Variants in AK5 observed in about 807,000 individuals in gnomAD.
AK5 encodes the protein adenylate kinase isoenzyme 5.
AK5 carries 27 observed loss-of-function variants against 69.5 expected under a neutral mutation model. The ratio of observed to expected loss-of-function variants is 0.39; its 90% CI spans 0.29 to 0.54. The LOEUF (loss-of-function observed/expected upper bound fraction) is 0.54. AK5 is among the 20% of genes least tolerant of loss of function. AK5 has a pLI of 0.71. For synonymous variants in AK5, 260 were observed against 244.4 expected, an observed-to-expected ratio of 1.06 and a Z score of -0.60; for missense variants, 531 against 700.4, an observed-to-expected ratio of 0.76 and a Z score of 2.73.
At chr1:77,441,500 T>A (rs1652323650) in intron 8 of AK5, among the ~76,000 whole-genome samples, 1 of 152,148 alleles carries the variant, frequency 6.6e-6, no homozygotes, top group Non-Finnish European at 1.5e-5. Flanking sequence ...GGGAAAGATG[T>A]GGTGACTCTG....
In AK5 at chr1:77,417,619, C is replaced by A; in HGVS notation, c.983-20C>A. Reference sequence around the variant, plus strand: ...ACATAGACAACCTCCATCCACTTATCTTTTCTTTCCTAATCTTAGGTTCAA... The same window carrying A: ...ACATAGACAACCTCCATCCACTTATATTTTCTTTCCTAATCTTAGGTTCAA... On this transcript the variant is annotated intron_variant, in intron 7 of 13. Transcript: ENST00000354567. The A allele has an allele frequency of 6.5e-7, 1 of 1,543,948 alleles. No homozygotes were observed. The highest frequency in any genetic ancestry group is 8.9e-7 in the Non-Finnish European group (1 of 1,118,400).
chr1:77,359,857 G>A (rs1186323607), intron 6 of AK5, among the ~76,000 whole-genome samples: 1 of 152,172 alleles, frequency 6.6e-6, no homozygotes, highest in East Asian at 1.9e-4. Context: ...AAGTCTACCA[G>A]GAATATAAAA....
Position 77,475,504 on chromosome 1 carries a change from T to A in AK5, c.1060-7813T>A, listed in dbSNP as rs1409636429. 2.6e-4 allele frequency among the ~76,000 whole-genome samples: 7 copies of A among 27,342 alleles called. No homozygotes were observed. In the South Asian group the frequency reaches 4.1e-3, roughly 16 times the overall value. 17.9% of individuals were successfully genotyped at this position (27,342 alleles called of 152,430 possible). A position where few individuals can be genotyped will look rare whatever the true frequency, so the allele number is the denominator to read the frequency against. On this transcript the variant is annotated intron_variant, in intron 8 of 13. Transcript: ENST00000354567. Reference sequence around the variant, plus strand: ...ATATTATATATATACAAATATATATTATATATATATGTATATATATTATAT... The same window carrying A: ...ATATTATATATATACAAATATATATAATATATATATGTATATATATTATAT...
chr1:77,324,246 C>G (rs1174092643), intron 5 of AK5, among the ~76,000 whole-genome samples: 1 of 151,884 alleles, frequency 6.6e-6, no homozygotes. Flanking sequence ...GAAAATGTCT[C>G]TTCTGTCCAC....
intron 6 of AK5, among the ~76,000 whole-genome samples, chr1:77,369,769 G>T (rs1647084880): frequency 6.6e-6 from 1 of 152,164 alleles, no homozygotes; most frequent in Non-Finnish European, 1.5e-5. Context: ...GGTAACCATT[G>T]CTTTCTAAAG....
At chr1:77,358,642 T>C (rs978382440) in intron 6 of AK5, among the ~76,000 whole-genome samples, 3 of 152,194 alleles carry the variant, frequency 2.0e-5, no homozygotes, top group African/African-American at 7.2e-5. Context: ...ACAAGTAGAA[T>C]TTTGTCTTAA....
At chr1:77,301,819 G>C (rs966628919) in intron 5 of AK5, among the ~76,000 whole-genome samples, 2 of 152,198 alleles carry the variant, frequency 1.3e-5, no homozygotes, top group Non-Finnish European at 2.9e-5. Context: ...AGTACTCACT[G>C]AACCACAGTG....
At chr1:77,357,379 A>T (rs1030498296) in intron 6 of AK5, among the ~76,000 whole-genome samples, 7 of 152,214 alleles carry the variant, frequency 4.6e-5, no homozygotes, top group Non-Finnish European at 8.8e-5. Context: ...TTAATTAAGG[A>T]TTATAGATAA....
chr1:77,514,989 A>G (rs1657555873), intron 10 of AK5, among the ~76,000 whole-genome samples: 1 of 152,180 alleles, frequency 6.6e-6, no homozygotes. Flanking sequence ...ACCTGGAAGC[A>G]CCACTTCTCC....
At chr1:77,306,211 T>TG (rs1277982401) in intron 5 of AK5, among the ~76,000 whole-genome samples, 7 of 152,188 alleles carry the variant, frequency 4.6e-5, no homozygotes, top group Non-Finnish European at 1.0e-4. Flanking sequence ...ATACTAGCTG[T>TG]GGGTCTGTCC....
intron 10 of AK5, 69 bp downstream of exon 10, chr1:77,486,421 T>A: frequency 1.6e-6 from 2 of 1,214,840 alleles, no homozygotes; most frequent in Non-Finnish European, 2.4e-6. Flanking sequence ...GTGGGCCAGG[T>A]GCGGTGGCTT....
intron 6 of AK5, among the ~76,000 whole-genome samples, chr1:77,370,299 C>T (rs1169930868): frequency 3.9e-5 from 6 of 152,102 alleles, no homozygotes; most frequent in Admixed American, 6.5e-5. Flanking sequence ...CACTTTTCCC[C>T]GTAAGTCACT....
chr1:77,452,891 T>G (rs892351938), intron 8 of AK5, among the ~76,000 whole-genome samples: 2 of 152,180 alleles, frequency 1.3e-5, no homozygotes, highest in Non-Finnish European at 2.9e-5. Flanking sequence ...TCATTTGATC[T>G]CATTTTATCT....
intron 8 of AK5, among the ~76,000 whole-genome samples, chr1:77,452,286 C>G (rs1423340204): frequency 1.3e-5 from 2 of 152,118 alleles, no homozygotes; most frequent in Admixed American, 1.3e-4. Flanking sequence ...TGTATCAACA[C>G]TTGTTCATGA....
At chr1:77,538,357 CAACA>C (rs1659084949) in intron 13 of AK5, among the ~76,000 whole-genome samples, 1 of 139,330 alleles carries the variant, frequency 7.2e-6, no homozygotes, top group African/African-American at 2.7e-5. Context: ...ACAACAACAA[CAACA>C]AAAAAAAAAA....
rs141884559 is a variant in AK5, at chr1:77,393,921, A to T, written c.892-17060A>T. ...ATTTATCAAGCCAGATTTTAAAATA[A>T]TGTAAATCTTGGCCAGGCACAGTGG... On this transcript the variant is annotated intron_variant, in intron 6 of 13. Coordinates refer to ENST00000354567, the MANE Select transcript of AK5 (RefSeq NM_174858.3). 4.2e-3 allele frequency among the ~76,000 whole-genome samples: 641 copies of T among 152,278 alleles called. 2 individuals carry two copies. The highest frequency in any genetic ancestry group is 0.015 in the African/African-American group (612 of 41,550).
chr1:77,426,392 T>C (rs1651210855), intron 8 of AK5, among the ~76,000 whole-genome samples: 1 of 152,182 alleles, frequency 6.6e-6, no homozygotes, highest in Admixed American at 6.5e-5. Context: ...TTTTAAAGCA[T>C]TACATAATGA....
chr1:77,416,785 T>C (rs1650456770), intron 7 of AK5, among the ~76,000 whole-genome samples: 1 of 152,200 alleles, frequency 6.6e-6, no homozygotes, highest in South Asian at 2.1e-4. Flanking sequence ...ATATTCTGAC[T>C]AAGAATGATT....
At chr1:77,479,102 G>A (rs1333021564) in intron 8 of AK5, among the ~76,000 whole-genome samples, 1 of 150,690 alleles carries the variant, frequency 6.6e-6, no homozygotes, top group Non-Finnish European at 1.5e-5. Context: ...AATTTTAAAT[G>A]TGTCCCTTCA....
Sources: allele counts gnomAD v4.1 joint callset (sites outside exome capture counted in the v4.1 genomes callset), GRCh38; gene constraint gnomAD v4.1.1; transcripts MANE v1.5; gene names NCBI Gene and HGNC (gene_info 2026-07-23, HGNC 2026-07-21).